Variants in VPS13B observed in about 807,000 individuals in gnomAD.
VPS13B encodes intermembrane lipid transfer protein VPS13B.
In VPS13B, 285 loss-of-function variants were observed where a neutral mutation model predicts 426.4. That is an observed-to-expected ratio of 0.67 (90% confidence interval 0.61 to 0.74). The LOEUF is 0.74. Among genes scored for constraint, VPS13B ranks in the 30% least tolerant of loss-of-function variants. The probability of loss-of-function intolerance (pLI) is 0.00; values close to 1 mark genes in which losing one functional copy is unlikely to be tolerated. For synonymous variants in VPS13B, 1,676 were observed against 1,676.4 expected (o/e 1.00, Z 0.01); for missense variants, 4,537 against 4,782.6 (o/e 0.95, Z 1.51).
chr8:99,580,573 G>A (rs1387526221), intron 33 of VPS13B, among the ~76,000 whole-genome samples: 1 of 151,856 alleles, frequency 6.6e-6, no homozygotes, highest in African/African-American at 2.4e-5. Flanking sequence ...ATTTTGGCTG[G>A]GTGCCTAGTG....
intron 35 of VPS13B, chr8:99,697,126 T>G (rs915525837): frequency 6.0e-5 from 32 of 530,108 alleles, no homozygotes; most frequent in African/African-American, 6.0e-4. Flanking sequence ...GCTGACCAGC[T>G]CAAGTCCATA....
At chr8:99,225,314 C>T (rs981907374) in intron 17 of VPS13B, among the ~76,000 whole-genome samples, 1 of 151,884 alleles carries the variant, frequency 6.6e-6, no homozygotes, top group African/African-American at 2.4e-5. Flanking sequence ...GAGTTTCCCT[C>T]TGTCGCCCAG....
intron 19 of VPS13B, among the ~76,000 whole-genome samples, chr8:99,311,157 G>T (rs1326380990): frequency 6.6e-6 from 1 of 152,080 alleles, no homozygotes; most frequent in Non-Finnish European, 1.5e-5. Context: ...GGTGTTTTGT[G>T]TCTCTATTTC....
intron 39 of VPS13B, among the ~76,000 whole-genome samples, chr8:99,723,955 C>T (rs1160173656): frequency 2.0e-5 from 3 of 152,138 alleles, no homozygotes; most frequent in African/African-American, 7.2e-5. Flanking sequence ...AGACTGGCAA[C>T]GAGGCTGACT....
At chr8:99,631,723 G>A (rs1056592446) in intron 33 of VPS13B, among the ~76,000 whole-genome samples, 1 of 151,882 alleles carries the variant, frequency 6.6e-6, no homozygotes, top group Non-Finnish European at 1.5e-5. Context: ...GTGGGTGTGT[G>A]TTTTATATAT....
intron 2 of VPS13B, among the ~76,000 whole-genome samples, chr8:99,014,240 C>T (rs1007371060): frequency 6.7e-6 from 1 of 149,986 alleles, no homozygotes; most frequent in Non-Finnish European, 1.5e-5. Context: ...GCCGTAGCCT[C>T]CCTAATAGCT....
chr8:99,076,626 T>C (rs547353181), intron 3 of VPS13B, among the ~76,000 whole-genome samples: 2 of 151,990 alleles, frequency 1.3e-5, no homozygotes, highest in East Asian at 3.9e-4. Context: ...TTTTTTTTTT[T>C]TACAGTTTTT....
chr8:99,533,600 A>G (rs957382105), intron 30 of VPS13B, among the ~76,000 whole-genome samples: 1 of 152,234 alleles, frequency 6.6e-6, no homozygotes, highest in African/African-American at 2.4e-5. Context: ...ATTGAGGAAT[A>G]TAACCAATAG....
At chr8:99,337,723 G>C (rs1431537470) in intron 19 of VPS13B, among the ~76,000 whole-genome samples, 1 of 151,726 alleles carries the variant, frequency 6.6e-6, no homozygotes, top group Non-Finnish European at 1.5e-5. Flanking sequence ...TTAATACCTT[G>C]GTAAATTCAC....
At chr8:99,136,822 T>TG in intron 12 of VPS13B, 70 bp downstream of exon 12, 1 of 1,479,152 alleles carries the variant, frequency 6.8e-7, no homozygotes, top group African/African-American at 1.4e-5. Flanking sequence ...CAGAATCAAT[T>TG]GGTCCTTGAC....
intron 37 of VPS13B, 83 bp from the exon 38 acceptor site, chr8:99,720,262 T>C (rs997368707): frequency 9.0e-7 from 1 of 1,113,912 alleles, no homozygotes; most frequent in African/African-American, 1.6e-5. Flanking sequence ...CAGTCCTACA[T>C]TAATTCAAAT....
intron 16 of VPS13B, among the ~76,000 whole-genome samples, chr8:99,179,288 G>T (rs949265735): frequency 2.0e-5 from 3 of 152,038 alleles, no homozygotes; most frequent in African/African-American, 7.2e-5. Flanking sequence ...TGTTTGTTTG[G>T]CTTGTTTTTG....
At chr8:99,833,616 A>G (rs1815210566) in intron 52 of VPS13B, among the ~76,000 whole-genome samples, 1 of 152,222 alleles carries the variant, frequency 6.6e-6, no homozygotes, top group South Asian at 2.1e-4. Context: ...AGGAGTGGTT[A>G]TCCTTACATT....
intron 17 of VPS13B, among the ~76,000 whole-genome samples, chr8:99,204,564 G>C (rs1033296607): frequency 3.9e-5 from 6 of 152,108 alleles, no homozygotes; most frequent in Non-Finnish European, 8.8e-5. Flanking sequence ...TCATCAGCGT[G>C]AACAGGCAAT....
chr8:99,501,177 T>C (rs1353861717), intron 25 of VPS13B, among the ~76,000 whole-genome samples: 1 of 152,244 alleles, frequency 6.6e-6, no homozygotes, highest in Non-Finnish European at 1.5e-5. Context: ...CTAGATTCCA[T>C]TATAAATACT....
chr8:99,359,949 C>T lies in VPS13B; in HGVS notation c.2825-24259C>T, dbSNP rs182412803. ...TTCCAAGTAACTGGGACTACAGGCA[C>T]GTGGCACCATGCCCAGCTAACTTTT... On this transcript the variant is annotated intron_variant, in intron 19 of 61. Coordinates refer to ENST00000357162, the MANE Select transcript of VPS13B (RefSeq NM_152564.5). 2.0e-4 allele frequency among the ~76,000 whole-genome samples: 31 copies of T among 152,148 alleles called. No individual in the cohort carries two copies. The East Asian group carries it at 4.1e-3, about 20-fold the overall frequency.
chr8:99,171,813 A>G (rs1037100565), intron 16 of VPS13B, among the ~76,000 whole-genome samples: 4 of 152,176 alleles, frequency 2.6e-5, no homozygotes, highest in African/African-American at 9.6e-5. Flanking sequence ...AGTAACTGTA[A>G]CTTGAAAATA....
At chr8:99,016,831 C>T (rs1176292195) in intron 2 of VPS13B, among the ~76,000 whole-genome samples, 1 of 152,010 alleles carries the variant, frequency 6.6e-6, no homozygotes, top group Non-Finnish European at 1.5e-5. Context: ...ACCTTGTGAT[C>T]CTCCTGTCTC....
chr8:99,834,816 C>T (rs776960418), intron 52 of VPS13B, among the ~76,000 whole-genome samples: 1 of 152,186 alleles, frequency 6.6e-6, no homozygotes, highest in Non-Finnish European at 1.5e-5. Flanking sequence ...TGCCTTGGCT[C>T]CCAAAGTGCC....
Sources: allele counts gnomAD v4.1 joint callset (sites outside exome capture counted in the v4.1 genomes callset), GRCh38; gene constraint gnomAD v4.1.1; transcripts MANE v1.5; gene names NCBI Gene and HGNC (gene_info 2026-07-23, HGNC 2026-07-21).